Variants in TAFA5 observed in about 807,000 individuals in gnomAD.
The protein encoded by TAFA5 is TAFA chemokine like family member 5.
In TAFA5, 6 loss-of-function variants were observed where a neutral mutation model predicts 15.3. That is an observed-to-expected ratio of 0.39 (90% CI 0.21 to 0.77). The LOEUF (loss-of-function observed/expected upper bound fraction) is 0.77. Ranked by LOEUF, TAFA5 falls within the 30% of genes least tolerant of loss-of-function variation. TAFA5 has a pLI of 0.41. For missense variants in TAFA5, 161 were observed against 193.1 expected (o/e 0.83, Z 0.98); for synonymous variants, 103 against 80.7 (o/e 1.28, Z -1.48).
At chr22:48,635,119 G>A (rs952366900) in intron 1 of TAFA5, among the ~76,000 whole-genome samples, 5 of 152,102 alleles carry the variant, frequency 3.3e-5, no homozygotes, top group African/African-American at 1.2e-4. Context: ...GAGCACAGCC[G>A]GCCTTGTTCC....
At chr22:48,707,273 T>C (rs1003012779) in intron 2 of TAFA5, among the ~76,000 whole-genome samples, 1 of 152,196 alleles carries the variant, frequency 6.6e-6, no homozygotes, top group Non-Finnish European at 1.5e-5. Context: ...GCTCCAAGCC[T>C]GGGCCCCCTT....
rs759046621 is a variant in TAFA5, at chr22:48,560,899, C to T, written c.112+71195C>T. Among the ~76,000 whole-genome samples the T allele has an allele frequency of 1.3e-5, 2 of 152,152 alleles. No homozygotes were observed. Among genetic ancestry groups the T allele is most frequent in the Non-Finnish European group, 2.9e-5 (2 of 68,044 alleles). On this transcript the variant is annotated intron_variant, in intron 1 of 3. Transcript: ENST00000402357. This position sits in a 1 kb window ranked among gnomAD's most constrained non-coding sequence, Gnocchi z 4.2. ...TTCTGGGATTACAGGTGTGAGCCAC[C>T]ACGCCTGGCCTCACAGTTGTCTTTA...
chr22:48,738,637 G>T (rs944567716), intron 3 of TAFA5, among the ~76,000 whole-genome samples: 1 of 152,200 alleles, frequency 6.6e-6, no homozygotes, highest in Non-Finnish European at 1.5e-5. Context: ...TATTAAGTGA[G>T]GGAGGCCATG....
intron 3 of TAFA5, among the ~76,000 whole-genome samples, chr22:48,713,792 C>G (rs544358921): frequency 1.3e-5 from 2 of 152,196 alleles, no homozygotes; most frequent in East Asian, 1.9e-4. Flanking sequence ...CCTGCAAGCT[C>G]GGAGCCTGGA....
intron 2 of TAFA5, among the ~76,000 whole-genome samples, chr22:48,666,145 C>T (rs1881086764): frequency 6.6e-6 from 1 of 152,134 alleles, no homozygotes; most frequent in Admixed American, 6.5e-5. Context: ...CCTGGGTCCC[C>T]AGAGGGGAGC....
chr22:48,597,391 C>T (rs747362835), intron 1 of TAFA5, among the ~76,000 whole-genome samples: 9 of 151,832 alleles, frequency 5.9e-5, no homozygotes, highest in Non-Finnish European at 1.5e-5. Flanking sequence ...TCACCTGGGC[C>T]TCAGTTTCCC....
chr22:48,576,439 G>A, intron 1 of TAFA5: 1 of 1,351,582 alleles, frequency 7.4e-7, no homozygotes, highest in Non-Finnish European at 9.7e-7. Flanking sequence ...CTGGACCTTC[G>A]CTGCGCGACT....
intron 2 of TAFA5, among the ~76,000 whole-genome samples, chr22:48,682,338 C>T (rs1928218050): frequency 6.6e-6 from 1 of 152,210 alleles, no homozygotes; most frequent in South Asian, 2.1e-4. Context: ...CCCCCACACC[C>T]AAGGGGCTGC....
At chr22:48,693,447 C>T (rs1349538176) in intron 2 of TAFA5, 97 of 1,602,164 alleles carry the variant, frequency 6.1e-5, no homozygotes, top group Non-Finnish European at 7.7e-5. Context: ...GACTGCGACT[C>T]TTGCAGATGG....
Position 48,519,187 on chromosome 22 carries a change from C to T in TAFA5, c.112+29483C>T, listed in dbSNP as rs994988291. ...TTGAAAGGTTATTTGCTTTCTCAGC[C>T]GATGCTTAGTGTACTGATACATGAT... On this transcript the variant is annotated intron_variant, in intron 1 of 3. Coordinates refer to ENST00000402357, the MANE Select transcript of TAFA5 (RefSeq NM_001082967.3). Among the ~76,000 whole-genome samples, 4 of 152,276 alleles carry T rather than the reference C, an allele frequency of 2.6e-5. No individual in the cohort carries two copies. The East Asian group carries it at 5.8e-4, about 22-fold the overall frequency.
chr22:48,680,804 T>C (rs1454386396), intron 2 of TAFA5, among the ~76,000 whole-genome samples: 1 of 152,242 alleles, frequency 6.6e-6, no homozygotes, highest in African/African-American at 2.4e-5. Flanking sequence ...TGCAGACACC[T>C]GCACCTGTGC....
chr22:48,744,418 G>A (rs954879745), intron 3 of TAFA5, among the ~76,000 whole-genome samples: 1 of 152,186 alleles, frequency 6.6e-6, no homozygotes, highest in Non-Finnish European at 1.5e-5. Context: ...CTGGAGCGGT[G>A]TGGCGAGCAG....
At chr22:48,548,098 G>C (rs1922737992) in intron 1 of TAFA5, among the ~76,000 whole-genome samples, 1 of 152,232 alleles carries the variant, frequency 6.6e-6, no homozygotes, top group African/African-American at 2.4e-5. Flanking sequence ...TGGTGCTGCA[G>C]GTGCACAGGC....
At chr22:48,632,836 C>T (rs1186278172) in intron 1 of TAFA5, among the ~76,000 whole-genome samples, 5 of 152,176 alleles carry the variant, frequency 3.3e-5, no homozygotes, top group Non-Finnish European at 5.9e-5. Flanking sequence ...CAGCCCCAGG[C>T]GGAGGCTGGG....
chr22:48,537,076 C>T (rs1280939900), intron 1 of TAFA5, among the ~76,000 whole-genome samples: 1 of 152,230 alleles, frequency 6.6e-6, no homozygotes, highest in Admixed American at 6.5e-5. Context: ...ACAAAAACCC[C>T]CTCGGCCTCC....
At chr22:48,542,177 ATGTG>A (rs1417674994) in intron 1 of TAFA5, among the ~76,000 whole-genome samples, 2 of 87,332 alleles carry the variant, frequency 2.3e-5, no homozygotes, top group African/African-American at 5.0e-5. Flanking sequence ...TGCATGTGTG[ATGTG>A]TGTGTCGTGT....
intron 1 of TAFA5, among the ~76,000 whole-genome samples, chr22:48,602,903 G>C (rs1291580378): frequency 6.6e-6 from 1 of 152,190 alleles, no homozygotes; most frequent in Non-Finnish European, 1.5e-5. Context: ...AGGAGCCTCT[G>C]CCGATCTATG....
chr22:48,677,814 C>T (rs1054063963), intron 2 of TAFA5, among the ~76,000 whole-genome samples: 2 of 152,168 alleles, frequency 1.3e-5, no homozygotes, highest in Admixed American at 1.3e-4. Context: ...AGCACAGCTA[C>T]AGGCAGCTGT....
At chr22:48,721,377 C>T (rs113602933) in intron 3 of TAFA5, among the ~76,000 whole-genome samples, 11 of 152,326 alleles carry the variant, frequency 7.2e-5, no homozygotes, top group South Asian at 2.1e-4. Context: ...GCACTGCCTC[C>T]GTGCTGCTGT....
Sources: gnomAD v4.1 joint callset for allele counts (sites outside exome capture counted in the v4.1 genomes callset) on GRCh38, gnomAD v4.1.1 for gene constraint, Gnocchi (gnomAD v3.1) non-coding constraint, MANE v1.5 for transcripts, NCBI Gene and HGNC (gene_info 2026-07-23, HGNC 2026-07-21) for gene names.